Variants in DNAH7 observed in about 807,000 individuals in gnomAD.
The protein encoded by DNAH7 is dynein axonemal heavy chain 7, also known as axonemal beta dynein heavy chain 7.
In DNAH7, 397 loss-of-function variants were observed where a neutral mutation model predicts 444.6. That is an observed-to-expected ratio of 0.89 (90% CI 0.82 to 0.97). DNAH7 has a LOEUF of 0.97. Ranked by LOEUF, DNAH7 falls within the 50% of genes least tolerant of loss-of-function variation. DNAH7 has a pLI of 0.00. For missense variants in DNAH7, 4,902 were observed against 4,800.8 expected (o/e 1.02, Z -0.62); for synonymous variants, 1,636 against 1,624.4 (o/e 1.01, Z -0.17).
chr2:195,901,748 G>C (rs1686723368), intron 27 of DNAH7: 1 of 152,044 alleles, frequency 6.6e-6, no homozygotes. Context: ...AAGTCACAAT[G>C]TCAGTCTTTC....
chr2:195,872,608 T>C (rs185117699), intron 39 of DNAH7, 139 bp from the exon 40 acceptor site: 194 of 474,354 alleles, frequency 4.1e-4, no homozygotes, highest in African/African-American at 2.4e-3. Flanking sequence ...CCATATCTTA[T>C]TATAATAATA....
At chr2:196,027,754 A>T (rs928028882) in intron 6 of DNAH7, among the ~76,000 whole-genome samples, 1 of 152,044 alleles carries the variant, frequency 6.6e-6, no homozygotes, top group African/African-American at 2.4e-5. Flanking sequence ...TAGATTTGAA[A>T]TTTTTTTAAA....
chr2:195,918,926 T>C (rs772652427), intron 24 of DNAH7, among the ~76,000 whole-genome samples: 5 of 152,112 alleles, frequency 3.3e-5, no homozygotes, highest in Non-Finnish European at 7.4e-5. Context: ...TCAATATTGG[T>C]TTATCAATTA....
At chr2:196,022,103 G>A (rs898656733) in intron 8 of DNAH7, among the ~76,000 whole-genome samples, 7 of 152,070 alleles carry the variant, frequency 4.6e-5, no homozygotes, top group African/African-American at 1.7e-4. Context: ...CTCCAGCCTG[G>A]GCAAGAGAGT....
At position 195,823,145 on chromosome 2, in the gene DNAH7, T is replaced by C. The variant is rs1024616952; in HGVS notation, c.9291+1110A>G. 3.9e-5 allele frequency among the ~76,000 whole-genome samples: 6 copies of C among 152,192 alleles called. No homozygotes were observed. The East Asian group carries it at 9.6e-4, about 24-fold the overall frequency. The stretch of plus-strand genomic sequence containing the variant: ...TTCCCTTCCCTAGCAGGTAAATACA[T>C]AGTAGACATTTGAAAGTGTTTAAAT... On this transcript the variant is annotated intron_variant, in intron 49 of 64. Transcript: ENST00000312428.
intron 24 of DNAH7, among the ~76,000 whole-genome samples, chr2:195,914,008 C>A (rs534395885): frequency 1.3e-5 from 2 of 152,340 alleles, no homozygotes; most frequent in African/African-American, 4.8e-5. Context: ...GCCACCGTGC[C>A]AAGTCGCAGA....
At chr2:196,034,972 G>C (rs962260804) in intron 5 of DNAH7, among the ~76,000 whole-genome samples, 1 of 152,184 alleles carries the variant, frequency 6.6e-6, no homozygotes, top group African/African-American at 2.4e-5. Flanking sequence ...CCCGAGGTCA[G>C]GAGTTTTGAG....
intron 5 of DNAH7, among the ~76,000 whole-genome samples, chr2:196,034,830 T>C (rs1185575591): frequency 3.3e-5 from 5 of 152,138 alleles, no homozygotes; most frequent in Admixed American, 1.3e-4. Flanking sequence ...CCTTACACCA[T>C]AGACAAAAAT....
At chr2:195,853,230 C>T in intron 46 of DNAH7, 113 bp downstream of exon 46, 1 of 882,434 alleles carries the variant, frequency 1.1e-6, no homozygotes, top group Non-Finnish European at 1.6e-6. Flanking sequence ...TGCAAAAATA[C>T]CTTCCTCCTT....
chr2:195,901,443 G>C (rs1686699533), intron 27 of DNAH7: 1 of 152,024 alleles, frequency 6.6e-6, no homozygotes, highest in Non-Finnish European at 1.5e-5. Context: ...TTCCTGTTGT[G>C]TATATAATAA....
chr2:195,815,950 C>T (rs1697197514), intron 51 of DNAH7, among the ~76,000 whole-genome samples: 1 of 152,178 alleles, frequency 6.6e-6, no homozygotes. Flanking sequence ...CGAGATTGCG[C>T]CACTGCACTC....
chr2:195,891,639 A>G lies in DNAH7; in HGVS notation c.5046+16T>C. On this transcript the variant is annotated intron_variant, in intron 31 of 64. Coordinates refer to ENST00000312428, the MANE Select transcript of DNAH7 (RefSeq NM_018897.3). ...TTAACCTTTTAAGATATGCATGTGA[A>G]AGTGTTAGAACTTACCACTGAAGAG... 1.3e-6 allele frequency: 2 copies of G among 1,532,356 alleles called. No individual in the cohort carries two copies. The highest frequency in any genetic ancestry group is 1.7e-6 in the Non-Finnish European group (2 of 1,144,416). 94.9% of individuals were successfully genotyped at this position (1,532,356 alleles called of 1,614,324 possible). A position where few individuals can be genotyped will look rare whatever the true frequency, so the allele number is the denominator to read the frequency against.
chr2:195,864,654 C>G lies in DNAH7; in HGVS notation c.7001G>C (p.Arg2334Pro), dbSNP rs753046205. The change falls in exon 41 of 65, where the codon CGC becomes CCC. Residue 2334 changes from arginine to proline, a missense_variant. Coordinates refer to ENST00000312428, the MANE Select transcript of DNAH7 (RefSeq NM_018897.3). Reference protein sequence around the residue: ...SRISRILKQPRSHALLVGVGG... With the variant: ...SRISRILKQPPSHALLVGVGG... The stretch of plus-strand genomic sequence containing the variant: ...AACCCCTACTAGGAGAGCATGGCTG[C>G]GAGGCTGCTTCAGGATCCTGGAAAT... 1 of 1,614,142 alleles carries G rather than the reference C, an allele frequency of 6.2e-7. No individual in the cohort carries two copies. Among genetic ancestry groups the G allele is most frequent in the East Asian group, 2.2e-5 (1 of 44,886 alleles).
At chr2:195,826,761 A>G (rs1697776629) in intron 48 of DNAH7, among the ~76,000 whole-genome samples, 1 of 152,170 alleles carries the variant, frequency 6.6e-6, no homozygotes. Flanking sequence ...CGACAAGGAG[A>G]AATTTATGTC....
intron 3 of DNAH7, among the ~76,000 whole-genome samples, chr2:196,048,999 T>A (rs1697303315): frequency 6.6e-6 from 1 of 152,200 alleles, no homozygotes; most frequent in South Asian, 2.1e-4. Context: ...AAAAACGCAA[T>A]GACTAATTAG....
rs760896039 is a variant in DNAH7, at chr2:195,864,834, T to C, written c.6821A>G (p.His2274Arg). The part of the protein sequence containing the change: ...DLRSLMFCDF[H>R]DPKREDTNYR... ...GTTGGTATCCTCCCTCTTGGGATCA[T>C]GGAAATCACAAAACATTAAGCTGCG... The change falls in exon 41 of 65, where the codon CAT becomes CGT. Residue 2274 changes from histidine (H) to arginine (R), a missense_variant. Transcript: ENST00000312428. The C allele has an allele frequency of 3.0e-5, 49 of 1,614,100 alleles. No individual in the cohort carries two copies. The highest frequency in any genetic ancestry group is 7.7e-5 in the South Asian group (7 of 91,078).
At chr2:196,021,089 G>T (rs1695352401) in intron 8 of DNAH7, among the ~76,000 whole-genome samples, 1 of 151,978 alleles carries the variant, frequency 6.6e-6, no homozygotes, top group Non-Finnish European at 1.5e-5. Context: ...GTAATAAATT[G>T]AAATACATTC....
chr2:196,015,704 G>A (rs928956743), intron 9 of DNAH7, among the ~76,000 whole-genome samples: 1 of 152,142 alleles, frequency 6.6e-6, no homozygotes, highest in Non-Finnish European at 1.5e-5. Context: ...ACTCAGACAC[G>A]TTTTTGCATT....
In DNAH7 at chr2:195,873,612, C is replaced by A; in HGVS notation, c.6369G>T (p.Met2123Ile). 2.0e-6 allele frequency: 3 copies of A among 1,492,788 alleles called. No individual in the cohort carries two copies. Among genetic ancestry groups the A allele is most frequent in the South Asian group, 1.4e-5 (1 of 72,736 alleles). The allele number at this position is 1,492,788 out of a possible 1,614,324, so 92.5% of individuals were successfully genotyped here. Residue 2123 changes from methionine (M) to isoleucine (I), a missense_variant, in exon 39 of 65, where the codon ATG (methionine) becomes ATT (isoleucine). Transcript: ENST00000312428. ...ITINEFSDKSMYTIFSRILTW... is the reference protein window; with the variant it reads ...ITINEFSDKSIYTIFSRILTW... ...TTAAGATTCTAGAGAAGATTGTATA[C>A]ATGGATTTATCACTAAACTCATTGA...
Sources: gnomAD v4.1 joint callset for allele counts (sites outside exome capture counted in the v4.1 genomes callset) on GRCh38, gnomAD v4.1.1 for gene constraint, MANE v1.5 for transcripts, NCBI Gene and HGNC (gene_info 2026-07-23, HGNC 2026-07-21) for gene names.